The following DPP10 variants were observed in gnomAD, a reference collection of about 807,000 sequenced individuals.
DPP10 encodes the protein inactive dipeptidyl peptidase 10.
In DPP10, 33 loss-of-function variants were observed where a neutral mutation model predicts 120.9. The ratio of observed to expected loss-of-function variants is 0.27; its 90% CI spans 0.21 to 0.37. DPP10 has a LOEUF of 0.37. DPP10 is among the 10% of genes least tolerant of loss of function. The probability of loss-of-function intolerance (pLI) is 1.00; values close to 1 mark genes in which losing one functional copy is unlikely to be tolerated. For missense variants in DPP10, 816 were observed against 942.8 expected (o/e 0.87, Z 1.76); for synonymous variants, 337 against 326.1 (o/e 1.03, Z -0.36).
In DPP10 at chr2:115,607,158, C is replaced by T. The variant is rs114887600; in HGVS notation, c.441+81186C>T. ...TGCCCTTATGACTTTGTACGAATCC[C>T]TTACGCTGTCTTAATAACTTGGATA... On this transcript the variant is annotated intron_variant, in intron 5 of 25. Coordinates refer to ENST00000410059, the MANE Select transcript of DPP10 (RefSeq NM_020868.6). Among the ~76,000 whole-genome samples the T allele has an allele frequency of 8.7e-3, 1,331 of 152,254 alleles. 14 individuals carry two copies. The highest frequency in any genetic ancestry group is 0.029 in the African/African-American group (1,214 of 41,546).
intron 7 of DPP10, among the ~76,000 whole-genome samples, chr2:115,697,186 T>C (rs1321824747): frequency 6.6e-6 from 1 of 152,030 alleles, no homozygotes; most frequent in Non-Finnish European, 1.5e-5. Context: ...AGATAAGGGA[T>C]ATAGAAAAGA....
intron 21 of DPP10, among the ~76,000 whole-genome samples, chr2:115,823,870 G>A (rs1688049140): frequency 6.6e-6 from 1 of 152,170 alleles, no homozygotes; most frequent in Non-Finnish European, 1.5e-5. Flanking sequence ...AAAAAGCGAT[G>A]TGATTCATTT....
chr2:114,563,387 T>A (rs1414732556), intron 1 of DPP10, among the ~76,000 whole-genome samples: 3 of 150,834 alleles, frequency 2.0e-5, no homozygotes, highest in Non-Finnish European at 3.0e-5. Context: ...AAAAAAAAAA[T>A]TCCAAAACTT....
chr2:115,395,369 G>T (rs779686917), intron 3 of DPP10, among the ~76,000 whole-genome samples: 1 of 152,132 alleles, frequency 6.6e-6, no homozygotes, highest in African/African-American at 2.4e-5. Context: ...TCTCTTTAAA[G>T]ATTCTGTCTC....
At chr2:114,486,827 T>A (rs189391685) in intron 1 of DPP10, among the ~76,000 whole-genome samples, 2 of 152,344 alleles carry the variant, frequency 1.3e-5, no homozygotes, top group East Asian at 3.9e-4. Context: ...GTTCTTCTAG[T>A]GTTAAAAATT....
At chr2:114,880,630 G>A (rs1386374242) in intron 1 of DPP10, among the ~76,000 whole-genome samples, 1 of 152,136 alleles carries the variant, frequency 6.6e-6, no homozygotes, top group Non-Finnish European at 1.5e-5. Flanking sequence ...AATCATTAAT[G>A]AGAAACATAA....
chr2:115,748,055 T>G (rs1217677607), intron 10 of DPP10, among the ~76,000 whole-genome samples: 3 of 152,124 alleles, frequency 2.0e-5, no homozygotes, highest in Non-Finnish European at 4.4e-5. Context: ...ATAAATTGAA[T>G]TATTAATAAC....
intron 1 of DPP10, chr2:114,707,186 T>C (rs1244667434): frequency 1.3e-5 from 2 of 152,128 alleles, no homozygotes; most frequent in Non-Finnish European, 2.9e-5. Context: ...TAAGTTGACC[T>C]TCACAAGACG....
At chr2:115,542,580 T>C (rs779038987) in intron 5 of DPP10, among the ~76,000 whole-genome samples, 3 of 151,838 alleles carry the variant, frequency 2.0e-5, no homozygotes, top group Admixed American at 6.6e-5. Context: ...CTTGTGCATA[T>C]TTGTGGGAAG....
rs569022683 is a variant in DPP10 at position 114,541,973 on chromosome 2, C to T, written c.60+99135C>T. ...AAGTGTAAAATAAAGAATGGATTCT[C>T]AATGGGAGATTTTTTTTAAAAAACC... On this transcript the variant is annotated intron_variant, in intron 1 of 25. Transcript: ENST00000410059. Among the ~76,000 whole-genome samples, 11 of 150,498 alleles carry T rather than the reference C, an allele frequency of 7.3e-5. No individual in the cohort carries two copies. The South Asian group carries it at 1.9e-3, about 26-fold the overall frequency.
At chr2:115,514,240 C>A (rs927386853) in intron 4 of DPP10, among the ~76,000 whole-genome samples, 15 of 151,752 alleles carry the variant, frequency 9.9e-5, no homozygotes, top group Non-Finnish European at 2.2e-4. Context: ...ATGTGTGGAT[C>A]TTTTTGAGCA....
chr2:115,533,619 A>G (rs904520569), intron 5 of DPP10, among the ~76,000 whole-genome samples: 1 of 152,082 alleles, frequency 6.6e-6, no homozygotes, highest in Non-Finnish European at 1.5e-5. Context: ...ATACATATTT[A>G]AAAATTCTGG....
At chr2:114,869,424 G>T (rs1219828381) in intron 1 of DPP10, among the ~76,000 whole-genome samples, 2 of 152,126 alleles carry the variant, frequency 1.3e-5, no homozygotes, top group Admixed American at 1.3e-4. Context: ...ATTTCTTACA[G>T]ATAGGCAGCA....
chr2:115,452,996 T>C (rs708656), intron 3 of DPP10, among the ~76,000 whole-genome samples: 125,447 of 151,622 alleles, frequency 0.83, 54,944 homozygotes, highest in Non-Finnish European at 0.97. Context: ...GCTTGGATTA[T>C]TTATTTTAAA....
intron 1 of DPP10, among the ~76,000 whole-genome samples, chr2:114,867,002 A>G (rs927255080): frequency 6.6e-6 from 1 of 152,196 alleles, no homozygotes; most frequent in Non-Finnish European, 1.5e-5. Context: ...GACCTGACAT[A>G]TAGCCATCGT....
intron 7 of DPP10, among the ~76,000 whole-genome samples, chr2:115,710,523 G>C (rs146469725): frequency 2.2e-4 from 33 of 152,016 alleles, no homozygotes; most frequent in African/African-American, 7.9e-4. Flanking sequence ...AGAATTTAAG[G>C]GTATGTGGTA....
intron 1 of DPP10, among the ~76,000 whole-genome samples, chr2:114,970,153 C>A (rs17043845): frequency 1.3e-5 from 2 of 151,782 alleles, no homozygotes; most frequent in Non-Finnish European, 2.9e-5. Flanking sequence ...TAGCCTGGAG[C>A]ATGCACAAGT....
At chr2:114,835,398 A>G (rs1415662919) in intron 1 of DPP10, 1 of 152,108 alleles carries the variant, frequency 6.6e-6, no homozygotes, top group Non-Finnish European at 1.5e-5. Flanking sequence ...TATAAGCCAT[A>G]TTTACACACC....
At chr2:114,769,861 G>A (rs1681095466) in intron 1 of DPP10, among the ~76,000 whole-genome samples, 1 of 152,192 alleles carries the variant, frequency 6.6e-6, no homozygotes, top group African/African-American at 2.4e-5. Context: ...GGAAAAGGGA[G>A]ACAGATGAAG....
Sources: gnomAD v4.1 joint callset for allele counts (sites outside exome capture counted in the v4.1 genomes callset) on GRCh38, gnomAD v4.1.1 for gene constraint, MANE v1.5 for transcripts, NCBI Gene and HGNC (gene_info 2026-07-23, HGNC 2026-07-21) for gene names.